CTNNA2: variants seen among roughly 807,000 people sequenced by gnomAD.
The protein encoded by CTNNA2 is catenin alpha 2, also known as catenin alpha-2.
CTNNA2 carries 42 observed loss-of-function variants against 101.0 expected under a neutral mutation model. That is an observed-to-expected ratio of 0.42 (90% CI 0.32 to 0.54). CTNNA2 has a LOEUF of 0.54. CTNNA2 is among the 20% of genes least tolerant of loss of function. CTNNA2 has a pLI of 0.14. For missense variants in CTNNA2, 871 were observed against 1,223.1 expected (o/e 0.71, Z 4.29); for synonymous variants, 450 against 456.4 (o/e 0.99, Z 0.18).
At chr2:79,451,806 T>A (rs547229742) in intron 4 of CTNNA2, among the ~76,000 whole-genome samples, 68 of 151,300 alleles carry the variant, frequency 4.5e-4, no homozygotes, top group African/African-American at 1.5e-3. Context: ...AAAATATATA[T>A]TAAATGTATA....
At chr2:80,078,934 G>T (rs1298292705) in intron 7 of CTNNA2, among the ~76,000 whole-genome samples, 1 of 152,118 alleles carries the variant, frequency 6.6e-6, no homozygotes, top group Non-Finnish European at 1.5e-5. Flanking sequence ...AGTCTTATTT[G>T]ATTCCTCCTT....
Position 79,785,555 on chromosome 2 carries a change from T to C in CTNNA2, c.298+40973T>C, listed in dbSNP as rs1018960021. On this transcript the variant is annotated intron_variant, in intron 3 of 18. Transcript: ENST00000402739. ...CCATGTTAACACACTTTGCTTTTTT[T>C]CCCCACAGGAAAATGATTCTATGAA... Among the ~76,000 whole-genome samples the C allele has an allele frequency of 4.7e-5, 7 of 150,028 alleles. No individual in the cohort carries two copies. The East Asian group carries it at 5.9e-4, about 13-fold the overall frequency.
chr2:79,567,068 TA>T (rs1053617462), intron 1 of CTNNA2, among the ~76,000 whole-genome samples: 8 of 152,326 alleles, frequency 5.3e-5, no homozygotes, highest in African/African-American at 1.7e-4. Context: ...GTAGATACTT[TA>T]ACAACTGCCA....
chr2:79,686,800 G>T (rs115488559), intron 2 of CTNNA2, among the ~76,000 whole-genome samples: 1 of 151,970 alleles, frequency 6.6e-6, no homozygotes, highest in Non-Finnish European at 1.5e-5. Flanking sequence ...TGATGTGGGT[G>T]TCCCAATTTG....
intron 9 of CTNNA2, among the ~76,000 whole-genome samples, chr2:80,505,086 C>T (rs1465882140): frequency 6.6e-6 from 1 of 151,716 alleles, no homozygotes; most frequent in East Asian, 1.9e-4. Context: ...AGCCTTAGCC[C>T]CAAGCTAAAA....
intron 1 of CTNNA2, among the ~76,000 whole-genome samples, chr2:79,551,162 A>G (rs192125910): frequency 1.2e-4 from 18 of 152,282 alleles, no homozygotes; most frequent in African/African-American, 3.6e-4. Context: ...CAAATTTGGA[A>G]GCTTATTTTG....
intron 4 of CTNNA2, among the ~76,000 whole-genome samples, chr2:79,432,206 C>T (rs762506236): frequency 1.2e-4 from 19 of 152,082 alleles, no homozygotes; most frequent in African/African-American, 1.7e-4. Context: ...TAGGATGGAA[C>T]GACAAGTATT....
intron 7 of CTNNA2, among the ~76,000 whole-genome samples, chr2:80,005,881 A>G (rs1693307883): frequency 6.6e-6 from 1 of 151,982 alleles, no homozygotes; most frequent in African/African-American, 2.4e-5. Flanking sequence ...CAATATTGAG[A>G]TATTTAATTA....
intron 3 of CTNNA2, among the ~76,000 whole-genome samples, chr2:79,372,389 A>G (rs923907765): frequency 6.6e-6 from 1 of 152,158 alleles, no homozygotes; most frequent in African/African-American, 2.4e-5. Flanking sequence ...ATTACAGAAA[A>G]TGAGTCTGCA....
intron 3 of CTNNA2, among the ~76,000 whole-genome samples, chr2:79,798,582 T>TTTTTTTTA (rs1675903981): frequency 7.1e-6 from 1 of 140,082 alleles, no homozygotes; most frequent in African/African-American, 2.7e-5. Flanking sequence ...TTTTTTTTTT[T>TTTTTTTTA]ACAAAAATAC....
chr2:79,560,022 C>T lies in CTNNA2; in HGVS notation c.-6+46815C>T, dbSNP rs1013314585. Among the ~76,000 whole-genome samples the T allele has an allele frequency of 6.6e-5, 10 of 151,532 alleles. No homozygotes were observed. The South Asian group carries it at 1.0e-3, about 16-fold the overall frequency. On this transcript the variant is annotated intron_variant, in intron 1 of 18. Coordinates refer to ENST00000402739, the MANE Select transcript of CTNNA2 (RefSeq NM_001282597.3). ...TGATATGTATATTTAACATCTCTAG[C>T]GCCTGACTCACTTCTCCAAGAAAGT...
At chr2:80,259,080 G>A (rs763847069) in intron 7 of CTNNA2, among the ~76,000 whole-genome samples, 2 of 152,182 alleles carry the variant, frequency 1.3e-5, no homozygotes, top group South Asian at 2.1e-4. Context: ...TATGTTGTTC[G>A]TTCCAGGAGT....
At chr2:80,162,975 G>T (rs909897285) in intron 7 of CTNNA2, 2 of 1,541,552 alleles carry the variant, frequency 1.3e-6, no homozygotes, top group East Asian at 2.2e-5. Context: ...ATCTTGCGAG[G>T]CATGACTACT....
intron 7 of CTNNA2, among the ~76,000 whole-genome samples, chr2:80,151,577 T>G (rs72926633): frequency 0.024 from 3,617 of 152,328 alleles, 155 homozygotes; most frequent in African/African-American, 0.082. Context: ...CTAACACATA[T>G]TTTTAGAAAG....
At chr2:79,724,032 T>C (rs532123453) in intron 2 of CTNNA2, among the ~76,000 whole-genome samples, 23 of 152,272 alleles carry the variant, frequency 1.5e-4, no homozygotes, top group Non-Finnish European at 2.6e-4. Context: ...GTATCAGCAG[T>C]CTGGAATTCC....
At chr2:79,482,975 A>T (rs1281437903) in intron 4 of CTNNA2, among the ~76,000 whole-genome samples, 1 of 152,222 alleles carries the variant, frequency 6.6e-6, no homozygotes, top group Non-Finnish European at 1.5e-5. Flanking sequence ...ATCATCCAGC[A>T]GACTGTCAAC....
At position 79,323,756 on chromosome 2, in the gene CTNNA2, T is replaced by C. The variant is rs556767449; in HGVS notation, c.-318+10960T>C. ...CTGATGATGTTCCTGGGAAAGTCTT[T>C]TGGGTATAGGGAGGTGGGAGTTTCT... On this transcript the variant is annotated intron_variant, in intron 3 of 21. Coordinates refer to the CTNNA2 transcript ENST00000466387. 3.3e-5 allele frequency among the ~76,000 whole-genome samples: 5 copies of C among 152,280 alleles called. No homozygotes were observed. The South Asian group carries it at 6.2e-4, about 19-fold the overall frequency.
At chr2:79,567,168 C>G (rs907207098) in intron 1 of CTNNA2, among the ~76,000 whole-genome samples, 1 of 152,130 alleles carries the variant, frequency 6.6e-6, no homozygotes, top group African/African-American at 2.4e-5. Context: ...ACAAGGAACT[C>G]AACGAGCTTT....
At chr2:79,188,996 C>T (rs1366321876) in intron 1 of CTNNA2, among the ~76,000 whole-genome samples, 1 of 152,184 alleles carries the variant, frequency 6.6e-6, no homozygotes, top group African/African-American at 2.4e-5. Flanking sequence ...GGTCAAACCA[C>T]ACCCGGTCAA....
Sources: gnomAD v4.1 joint callset for allele counts (sites outside exome capture counted in the v4.1 genomes callset) on GRCh38, gnomAD v4.1.1 for gene constraint, MANE v1.5 for transcripts, NCBI Gene and HGNC (gene_info 2026-07-23, HGNC 2026-07-21) for gene names.